DPP3: variants seen among roughly 807,000 people sequenced by gnomAD.
The protein encoded by DPP3 is dipeptidyl peptidase 3, also known as DPP III.
Under a neutral mutation model 89.8 loss-of-function variants are expected in DPP3, and 64 were observed. The ratio of observed to expected loss-of-function variants is 0.71; its 90% confidence interval spans 0.58 to 0.88. The LOEUF is 0.88. Ranked by LOEUF, DPP3 falls within the 40% of genes least tolerant of loss-of-function variation. The pLI is 0.00. For missense variants in DPP3, 835 were observed against 972.5 expected (o/e 0.86, Z 1.88); for synonymous variants, 377 against 404.3 (o/e 0.93, Z 0.81).
At chr11:66,499,327 C>T (rs914143653) in intron 16 of DPP3, among the ~76,000 whole-genome samples, 6 of 151,750 alleles carry the variant, frequency 4.0e-5, no homozygotes, top group African/African-American at 1.5e-4. Context: ...TGCGCCACTG[C>T]ACTCTAGCCT....
intron 12 of DPP3, 21 bp downstream of exon 12, chr11:66,493,654 C>A (rs766199168): frequency 6.3e-7 from 1 of 1,592,874 alleles, no homozygotes; most frequent in Non-Finnish European, 8.5e-7. Context: ...AGTGGCCAGC[C>A]CTGGCACCCC....
At chr11:66,501,186 CAA>C (rs777381952) in intron 16 of DPP3, among the ~76,000 whole-genome samples, 15 of 116,818 alleles carry the variant, frequency 1.3e-4, no homozygotes, top group South Asian at 2.7e-4. Context: ...GACTCTGTCT[CAA>C]AAAAAAAAAA....
Position 66,485,202 on chromosome 11 carries a change from C to G in DPP3, c.300C>G (p.Tyr100Ter). 4 of 1,614,174 alleles carry G rather than the reference C, an allele frequency of 2.5e-6. No individual in the cohort carries two copies. The highest frequency in any genetic ancestry group is 3.4e-6 in the Non-Finnish European group (4 of 1,180,032). Residue 100 changes from tyrosine to a stop codon, truncating the protein, a stop_gained, in exon 3 of 18, where the codon TAC becomes TAG. Coordinates refer to ENST00000531863, the MANE Select transcript of DPP3 (RefSeq NM_130443.4). LOFTEE classifies it high-confidence loss of function. ...QAFLVYAAGV[Y>*]SNMGNYKSFG... The stretch of plus-strand genomic sequence containing the variant: ...TCCTGGTCTATGCCGCGGGTGTTTA[C>G]TCCAACATGGGCAACTACAAGTCCT...
rs4930183 is a variant in DPP3 at position 66,488,261 on chromosome 11, C to T, written c.667+254C>T. ...GTCTCAAGCCTACCCTGGAGTCAGG[C>T]GATGAGGTTGGCCCTTCAGGCCGGG... is the stretch of plus-strand genomic sequence containing the variant. On this transcript the variant is annotated intron_variant, in intron 6 of 17. Coordinates refer to ENST00000531863, the MANE Select transcript of DPP3 (RefSeq NM_130443.4). Among the ~76,000 whole-genome samples, 34,080 of 152,142 alleles carry T rather than the reference C, an allele frequency of 0.22. 4,189 individuals are homozygous for T. Among genetic ancestry groups the T allele is most frequent in the East Asian group, 0.26 (1,340 of 5,172 alleles).
intron 17 of DPP3, among the ~76,000 whole-genome samples, chr11:66,507,801 C>A (rs1855841650): frequency 6.6e-6 from 1 of 151,906 alleles, no homozygotes; most frequent in Non-Finnish European, 1.5e-5. Flanking sequence ...CCTCAGCCTC[C>A]CAAAAAGCTG....
At chr11:66,503,210 G>C (rs1447600019) in intron 16 of DPP3, among the ~76,000 whole-genome samples, 1 of 151,278 alleles carries the variant, frequency 6.6e-6, no homozygotes, top group Non-Finnish European at 1.5e-5. Flanking sequence ...CAGGTGATCC[G>C]CCTGCCTCGG....
intron 15 of DPP3, 105 bp from the exon 16 acceptor site, chr11:66,497,193 T>C: frequency 1.4e-6 from 2 of 1,433,562 alleles, no homozygotes; most frequent in South Asian, 1.4e-5. Context: ...AATGGGCAAC[T>C]GGGACCAAGG....
chr11:66,484,098 C>G (rs1042389020), intron 2 of DPP3, among the ~76,000 whole-genome samples: 7 of 152,132 alleles, frequency 4.6e-5, no homozygotes, highest in Non-Finnish European at 8.8e-5. Context: ...CTGCCTCAGC[C>G]TCCTGAGTAG....
Position 66,491,735 on chromosome 11 carries a change from G to A in DPP3, c.967G>A (p.Gly323Ser). 2 of 1,610,974 alleles carry A rather than the reference G, an allele frequency of 1.2e-6. No homozygotes were observed. The highest frequency in any genetic ancestry group is 1.7e-6 in the Non-Finnish European group (2 of 1,179,624). Residue 323 changes from glycine to serine, a missense_variant, in exon 9 of 18, where the codon GGT (glycine) becomes AGT (serine). Physicochemically the swap from Gly to Ser is moderately conservative, Grantham distance 56. Coordinates refer to ENST00000531863, the MANE Select transcript of DPP3 (RefSeq NM_130443.4). Reference sequence around the variant, plus strand: ...CATCGAGAGCTACCGCGACCCCTTTGGTTCCCGAGGAGAATTTGAAGGTAA... The same window carrying A: ...CATCGAGAGCTACCGCGACCCCTTTAGTTCCCGAGGAGAATTTGAAGGTAA... ...GFIESYRDPF[G>S]SRGEFEGFVA...
At chr11:66,480,722 C>T (rs1224819550) in intron 1 of DPP3, 5 of 381,834 alleles carry the variant, frequency 1.3e-5, no homozygotes, top group Admixed American at 9.2e-5. Context: ...CTGTCCCAGC[C>T]GGGACGGGGC....
chr11:66,494,259 G>A (rs1855475547), intron 12 of DPP3, among the ~76,000 whole-genome samples: 1 of 152,154 alleles, frequency 6.6e-6, no homozygotes, highest in Non-Finnish European at 1.5e-5. Context: ...TGGACCCCCA[G>A]CATGAAGATG....
chr11:66,492,123 A>T (rs2134731601), intron 9 of DPP3, among the ~76,000 whole-genome samples: 1 of 151,962 alleles, frequency 6.6e-6, no homozygotes, highest in Non-Finnish European at 1.5e-5. Context: ...CAGCTTTACC[A>T]CTCCTAGGCT....
At chr11:66,505,737 A>G (rs140880201) in intron 17 of DPP3, among the ~76,000 whole-genome samples, 62 of 151,382 alleles carry the variant, frequency 4.1e-4, no homozygotes, top group African/African-American at 1.5e-3. Context: ...AGTCCCAGCT[A>G]CTTGAAAGAG....
chr11:66,481,344 G>A (rs956285514), intron 1 of DPP3, among the ~76,000 whole-genome samples: 1 of 152,146 alleles, frequency 6.6e-6, no homozygotes, highest in African/African-American at 2.4e-5. Flanking sequence ...CAAAAAATTA[G>A]CTGGGCATGG....
chr11:66,508,293 C>T (rs1226298691), intron 17 of DPP3, among the ~76,000 whole-genome samples: 1 of 152,130 alleles, frequency 6.6e-6, no homozygotes, highest in African/African-American at 2.4e-5. Context: ...TAAACAGGTT[C>T]GGAGATAATG....
At position 66,482,096 on chromosome 11, in the gene DPP3, G is replaced by A. The variant is rs146911602; in HGVS notation, c.-8-97G>A. On this transcript the variant is annotated intron_variant, in intron 1 of 17. Transcript: ENST00000531863. ...TACAATAGTATTCCCTTCCACATGG[G>A]CTTTTGGGAGGATTAAATGAGATCA... 1,485 of 1,493,246 alleles carry A rather than the reference G, an allele frequency of 9.9e-4. 9 individuals are homozygous for A. The highest frequency in any genetic ancestry group is 1.2e-3 in the Non-Finnish European group (1,301 of 1,105,550). The allele number at this position is 1,493,246 out of a possible 1,614,324, so 92.5% of individuals were successfully genotyped here. A position where few individuals can be genotyped will look rare whatever the true frequency, so the allele number is the denominator to read the frequency against.
At chr11:66,507,478 A>T (rs1169770374) in intron 17 of DPP3, among the ~76,000 whole-genome samples, 1 of 151,600 alleles carries the variant, frequency 6.6e-6, no homozygotes, top group Non-Finnish European at 1.5e-5. Context: ...AAAAAAAAAT[A>T]ATAATAATAA....
In DPP3 at chr11:66,509,449, C is replaced by G. The variant is rs1335218764; in HGVS notation, c.*198C>G. ...GCCAATTGCTTCCCCTCTGTGATCT[C>G]ATTTCATCTGCACTGCCATACGTGG... On this transcript the variant is annotated 3_prime_UTR_variant, in exon 18 of 18. Transcript: ENST00000531863. The G allele has an allele frequency of 6.6e-7, 1 of 1,510,892 alleles. No individual in the cohort carries two copies. The highest frequency in any genetic ancestry group is 1.4e-5 in the African/African-American group (1 of 72,564). 93.6% of individuals were successfully genotyped at this position (1,510,892 alleles called of 1,614,324 possible). A position where few individuals can be genotyped will look rare whatever the true frequency, so the allele number is the denominator to read the frequency against.
intron 15 of DPP3, 43 bp from the exon 16 acceptor site, chr11:66,497,255 C>T: frequency 2.5e-6 from 4 of 1,593,950 alleles, no homozygotes; most frequent in South Asian, 1.1e-5. Flanking sequence ...GGACCAAGCA[C>T]TTGATACGGG....
Sources: gnomAD v4.1 joint callset for allele counts (sites outside exome capture counted in the v4.1 genomes callset) on GRCh38, gnomAD v4.1.1 for gene constraint, MANE v1.5 for transcripts, NCBI Gene and HGNC (gene_info 2026-07-23, HGNC 2026-07-21) for gene names.